Variants in GRM8 observed in about 807,000 individuals in gnomAD.
GRM8 encodes the protein glutamate metabotropic receptor 8.
Under a neutral mutation model 87.2 loss-of-function variants are expected in GRM8, and 47 were observed. That is an observed-to-expected ratio of 0.54 (90% CI 0.43 to 0.69). The LOEUF (loss-of-function observed/expected upper bound fraction) is 0.69. Among genes scored for constraint, GRM8 ranks in the 30% least tolerant of loss-of-function variants. GRM8 has a pLI of 0.00. For missense variants in GRM8, 1,019 were observed against 1,139.2 expected, an observed-to-expected ratio of 0.89 and a Z score of 1.52; for synonymous variants, 396 against 404.5, an observed-to-expected ratio of 0.98 and a Z score of 0.25.
At chr7:126,833,215 G>C (rs1261962686) in intron 6 of GRM8, among the ~76,000 whole-genome samples, 1 of 152,186 alleles carries the variant, frequency 6.6e-6, no homozygotes, top group Admixed American at 6.5e-5. Context: ...GATACTCAAA[G>C]GGTAAGGAAG....
In GRM8 at chr7:126,669,271, A is replaced by G. The variant is rs1387603056; in HGVS notation, c.1358-59773T>C. On this transcript the variant is annotated intron_variant, in intron 7 of 10. Coordinates refer to ENST00000339582, the MANE Select transcript of GRM8 (RefSeq NM_000845.3). The stretch of plus-strand genomic sequence containing the variant: ...CATAGGTGCAGCAAACCACAATGGT[A>G]CATGTATACCTATGTAACAAACCTA... Among the ~76,000 whole-genome samples, 3 of 152,198 alleles carry G rather than the reference A, an allele frequency of 2.0e-5. No individual in the cohort carries two copies. In the East Asian group the frequency reaches 5.8e-4, roughly 29 times the overall value.
At chr7:126,988,165 C>T (rs749404464) in intron 3 of GRM8, among the ~76,000 whole-genome samples, 4 of 152,172 alleles carry the variant, frequency 2.6e-5, no homozygotes, top group Admixed American at 6.5e-5. Flanking sequence ...ACACTTCCAT[C>T]AAAACCCTGC....
At chr7:127,173,503 G>A (rs575145448) in intron 2 of GRM8, among the ~76,000 whole-genome samples, 1 of 152,106 alleles carries the variant, frequency 6.6e-6, no homozygotes, top group South Asian at 2.1e-4. Context: ...AGGTCAGGAG[G>A]ATCAGATTGT....
chr7:127,040,297 T>C (rs1818303787), intron 3 of GRM8, among the ~76,000 whole-genome samples: 1 of 152,018 alleles, frequency 6.6e-6, no homozygotes, highest in Admixed American at 6.6e-5. Flanking sequence ...TTTGTCAGTT[T>C]ATTACATTCC....
chr7:126,865,631 C>T (rs1798530009), intron 6 of GRM8, among the ~76,000 whole-genome samples: 1 of 152,188 alleles, frequency 6.6e-6, no homozygotes, highest in Non-Finnish European at 1.5e-5. Flanking sequence ...ATTTACTTTT[C>T]CTCTTTATAG....
At chr7:126,839,861 T>C (rs900895040) in intron 6 of GRM8, among the ~76,000 whole-genome samples, 3 of 152,184 alleles carry the variant, frequency 2.0e-5, no homozygotes, top group Non-Finnish European at 4.4e-5. Flanking sequence ...ACAAGATCAC[T>C]TTCTCATGAA....
chr7:126,660,968 T>A (rs975680304), intron 7 of GRM8, among the ~76,000 whole-genome samples: 23 of 152,190 alleles, frequency 1.5e-4, no homozygotes, highest in African/African-American at 5.3e-4. Flanking sequence ...CTGAACTCAT[T>A]GAGATAGAGA....
intron 2 of GRM8, among the ~76,000 whole-genome samples, chr7:127,188,038 G>A (rs1258679264): frequency 6.6e-6 from 1 of 152,158 alleles, no homozygotes; most frequent in Non-Finnish European, 1.5e-5. Flanking sequence ...CTGAGTGCCT[G>A]CAATGGAAGA....
At chr7:127,119,557 AAAG>A (rs906253122) in intron 2 of GRM8, among the ~76,000 whole-genome samples, 2 of 152,070 alleles carry the variant, frequency 1.3e-5, no homozygotes, top group African/African-American at 4.8e-5. Context: ...AGAAAAAAGA[AAAG>A]AAAAGGTAGA....
chr7:126,640,323 G>T lies in GRM8; in HGVS notation c.1358-30825C>A, dbSNP rs1037689067. Among the ~76,000 whole-genome samples the T allele has an allele frequency of 2.6e-5, 4 of 152,158 alleles. No homozygotes were observed. In the East Asian group the frequency reaches 7.7e-4, roughly 29 times the overall value. On this transcript the variant is annotated intron_variant, in intron 7 of 10. Transcript: ENST00000339582. ...GATACCATATGCCACGTGTGGGAGA[G>T]AGGGAGGTGGAGTGTTTTATGAGAA...
chr7:127,157,031 A>G (rs878878671), intron 2 of GRM8, among the ~76,000 whole-genome samples: 2 of 152,158 alleles, frequency 1.3e-5, no homozygotes, highest in Admixed American at 6.6e-5. Flanking sequence ...CATCTTTTTA[A>G]CAACAGTCTC....
chr7:127,120,797 T>A (rs1002135157), intron 2 of GRM8, among the ~76,000 whole-genome samples: 1 of 152,220 alleles, frequency 6.6e-6, no homozygotes, highest in Non-Finnish European at 1.5e-5. Context: ...AGGATGAACA[T>A]CTCCTGATCA....
intron 3 of GRM8, among the ~76,000 whole-genome samples, chr7:127,011,269 G>T (rs1814865401): frequency 6.6e-6 from 1 of 152,020 alleles, no homozygotes; most frequent in Admixed American, 6.6e-5. Flanking sequence ...TGCTGCCCCA[G>T]AAAAAGTAGT....
At chr7:127,018,620 G>A (rs1408719820) in intron 3 of GRM8, among the ~76,000 whole-genome samples, 9 of 151,814 alleles carry the variant, frequency 5.9e-5, no homozygotes, top group African/African-American at 1.5e-4. Flanking sequence ...TAATTTTGCC[G>A]GCCTGCCTTG....
chr7:127,088,521 CA>C (rs1476127183), intron 3 of GRM8, among the ~76,000 whole-genome samples: 1 of 152,178 alleles, frequency 6.6e-6, no homozygotes, highest in East Asian at 1.9e-4. Context: ...TCCTATTTTT[CA>C]GGGGAATTTT....
intron 3 of GRM8, among the ~76,000 whole-genome samples, chr7:127,082,450 C>T (rs17865860): frequency 0.012 from 1,788 of 152,160 alleles, 38 homozygotes; most frequent in African/African-American, 0.039. Flanking sequence ...TGTCTCTGGG[C>T]CTCAGTTTCT....
intron 3 of GRM8, among the ~76,000 whole-genome samples, chr7:127,002,291 C>A (rs6951546): frequency 0.33 from 50,240 of 151,372 alleles, 9,381 homozygotes; most frequent in African/African-American, 0.52. Flanking sequence ...GCATCATCAA[C>A]GCAATATGGC....
chr7:126,781,849 T>G (rs1239038189), intron 6 of GRM8, among the ~76,000 whole-genome samples: 1 of 152,084 alleles, frequency 6.6e-6, no homozygotes. Flanking sequence ...CCAAGTAGAA[T>G]GGACCATGGG....
rs536060644 is a variant in GRM8 at position 126,968,915 on chromosome 7, G to A, written c.728-64232C>T. Among the ~76,000 whole-genome samples, 8 of 152,238 alleles carry A rather than the reference G, an allele frequency of 5.3e-5. No individual in the cohort carries two copies. The East Asian group carries it at 1.5e-3, about 29-fold the overall frequency. On this transcript the variant is annotated intron_variant, in intron 3 of 10. Coordinates refer to ENST00000339582, the MANE Select transcript of GRM8 (RefSeq NM_000845.3). ...ATGTATACAGGCATAGCTCAGAGATGTCACAGGTTCTATTTCAGACCACTG... is the reference window on the plus strand; with the variant it reads ...ATGTATACAGGCATAGCTCAGAGATATCACAGGTTCTATTTCAGACCACTG...
Sources: gnomAD v4.1 joint callset for allele counts (sites outside exome capture counted in the v4.1 genomes callset) on GRCh38, gnomAD v4.1.1 for gene constraint, MANE v1.5 for transcripts, NCBI Gene and HGNC (gene_info 2026-07-23, HGNC 2026-07-21) for gene names.